ADGRL3: variants seen among roughly 807,000 people sequenced by gnomAD.
The protein encoded by ADGRL3 is adhesion G protein-coupled receptor L3.
In ADGRL3, 62 loss-of-function variants were observed where a neutral mutation model predicts 153.5. That is an observed-to-expected ratio of 0.40 (90% CI 0.33 to 0.50). The LOEUF is 0.50. Ranked by LOEUF, ADGRL3 falls within the 20% of genes least tolerant of loss-of-function variation. ADGRL3 has a pLI of 0.47. For missense variants in ADGRL3, 1,641 were observed against 1,859.4 expected, an observed-to-expected ratio of 0.88 and a Z score of 2.16; for synonymous variants, 710 against 672.5, an observed-to-expected ratio of 1.06 and a Z score of -0.86.
chr4:61,380,228 GTATC>G (rs1043316397), intron 1 of ADGRL3, among the ~76,000 whole-genome samples: 5 of 151,864 alleles, frequency 3.3e-5, no homozygotes, highest in African/African-American at 9.7e-5. Context: ...GTATGTGTAT[GTATC>G]TATCTCTTTC....
chr4:61,214,693 T>C (rs1276770015), intron 1 of ADGRL3, among the ~76,000 whole-genome samples: 1 of 152,154 alleles, frequency 6.6e-6, no homozygotes, highest in African/African-American at 2.4e-5. Context: ...CCCGGTACTT[T>C]GGGAGGCTGA....
chr4:61,813,760 A>T (rs766498032), intron 8 of ADGRL3, 49 bp from the exon 9 acceptor site: 1 of 1,599,072 alleles, frequency 6.3e-7, no homozygotes, highest in Non-Finnish European at 8.6e-7. Context: ...TTAAAAAGGG[A>T]AAAGACATAC....
chr4:62,049,142 A>T (rs180928073), intron 25 of ADGRL3, among the ~76,000 whole-genome samples: 1 of 152,140 alleles, frequency 6.6e-6, no homozygotes, highest in Admixed American at 6.5e-5. Flanking sequence ...GAGGTTAGAG[A>T]CTTCCATGTG....
intron 21 of ADGRL3, among the ~76,000 whole-genome samples, chr4:62,000,338 G>T: frequency 6.6e-6 from 1 of 150,802 alleles, no homozygotes; most frequent in African/African-American, 2.4e-5. Context: ...TTTATGATTT[G>T]TATTTAGTAC....
chr4:61,783,767 TTAATAA>T (rs1427766587), intron 8 of ADGRL3, among the ~76,000 whole-genome samples: 2 of 152,070 alleles, frequency 1.3e-5, no homozygotes, highest in African/African-American at 4.8e-5. Flanking sequence ...ATCTATCAAG[TTAATAA>T]TAATAAATCT....
At chr4:61,905,223 C>G (rs1482847730) in intron 11 of ADGRL3, among the ~76,000 whole-genome samples, 1 of 152,038 alleles carries the variant, frequency 6.6e-6, no homozygotes, top group Non-Finnish European at 1.5e-5. Flanking sequence ...TATCAGATAT[C>G]TAGACTTCTT....
intron 21 of ADGRL3, among the ~76,000 whole-genome samples, chr4:62,000,996 C>T (rs759601381): frequency 2.6e-5 from 4 of 151,984 alleles, no homozygotes; most frequent in Non-Finnish European, 5.9e-5. Flanking sequence ...GTTACCCAGG[C>T]TGGTCTCGAA....
At chr4:61,449,506 C>G (rs867844308) in intron 2 of ADGRL3, among the ~76,000 whole-genome samples, 64 of 151,968 alleles carry the variant, frequency 4.2e-4, no homozygotes, top group Middle Eastern at 3.2e-3. Context: ...TGTACCTAGG[C>G]AGGTACAGTT....
chr4:61,763,751 C>CAT (rs890076926), intron 8 of ADGRL3, among the ~76,000 whole-genome samples: 21 of 152,016 alleles, frequency 1.4e-4, no homozygotes, highest in South Asian at 6.2e-4. Context: ...ACACTATATA[C>CAT]ATATATATAT....
At position 61,676,954 on chromosome 4, in the gene ADGRL3, T is replaced by G. The variant is rs760041423; in HGVS notation, c.583+19T>G. 1.4e-6 allele frequency: 2 copies of G among 1,480,052 alleles called. No individual in the cohort carries two copies. Among genetic ancestry groups the G allele is most frequent in the Non-Finnish European group, 1.9e-6 (2 of 1,062,134 alleles). 91.7% of individuals were successfully genotyped at this position (1,480,052 alleles called of 1,614,324 possible). A position where few individuals can be genotyped will look rare whatever the true frequency, so the allele number is the denominator to read the frequency against. The stretch of plus-strand genomic sequence containing the variant: ...CCTTACAGTATGTATATTCCTATAC[T>G]TTTCTTGGCAAGAGAAAAGATACTA... On this transcript the variant is annotated intron_variant, in intron 6 of 26. Coordinates refer to ENST00000683033, the MANE Select transcript of ADGRL3 (RefSeq NM_001387552.1).
chr4:61,328,509 T>C (rs1430034401), intron 1 of ADGRL3, among the ~76,000 whole-genome samples: 1 of 152,122 alleles, frequency 6.6e-6, no homozygotes, highest in African/African-American at 2.4e-5. Flanking sequence ...ATAGGGGATG[T>C]TTTTATAGCA....
At chr4:61,496,775 A>T (rs1160868208) in intron 2 of ADGRL3, among the ~76,000 whole-genome samples, 1 of 151,740 alleles carries the variant, frequency 6.6e-6, no homozygotes, top group Non-Finnish European at 1.5e-5. Context: ...CCCCATCTCT[A>T]CTAAAAATAC....
chr4:62,031,621 A>T lies in ADGRL3; in HGVS notation c.3591+11A>T, dbSNP rs1722066568. 1 of 1,580,808 alleles carries T rather than the reference A, an allele frequency of 6.3e-7. No homozygotes were observed. The highest frequency in any genetic ancestry group is 2.2e-5 in the East Asian group (1 of 44,500). Reference sequence around the variant, plus strand: ...GTCCTACAGAAGAAGGTAAGCTAGAATTCTTTTTTTAAAATAAAAATGGCA... The same window carrying T: ...GTCCTACAGAAGAAGGTAAGCTAGATTTCTTTTTTTAAAATAAAAATGGCA... On this transcript the variant is annotated intron_variant, in intron 23 of 26. Coordinates refer to ENST00000683033, the MANE Select transcript of ADGRL3 (RefSeq NM_001387552.1).
intron 2 of ADGRL3, among the ~76,000 whole-genome samples, chr4:61,444,573 TC>T (rs2097561148): frequency 6.6e-6 from 1 of 151,974 alleles, no homozygotes. Flanking sequence ...AAAAAAAAAT[TC>T]CCCCTCTTCT....
chr4:61,567,097 A>C (rs1215380624), intron 4 of ADGRL3, among the ~76,000 whole-genome samples: 1 of 152,204 alleles, frequency 6.6e-6, no homozygotes, highest in Non-Finnish European at 1.5e-5. Context: ...TACAGAAAAA[A>C]AATTCAACAA....
At chr4:61,490,298 T>A (rs201942235) in intron 2 of ADGRL3, among the ~76,000 whole-genome samples, 7 of 151,378 alleles carry the variant, frequency 4.6e-5, no homozygotes, top group African/African-American at 1.7e-4. Flanking sequence ...TTTTACCACT[T>A]GTATTTACTG....
At chr4:61,773,396 G>T (rs987705847) in intron 8 of ADGRL3, among the ~76,000 whole-genome samples, 2 of 152,136 alleles carry the variant, frequency 1.3e-5, no homozygotes, top group African/African-American at 4.8e-5. Flanking sequence ...GCCTCAAGCT[G>T]CAATAATAAT....
intron 17 of ADGRL3, among the ~76,000 whole-genome samples, chr4:61,977,336 G>A (rs150548774): frequency 1.9e-3 from 292 of 151,138 alleles, no homozygotes; most frequent in African/African-American, 7.0e-3. Flanking sequence ...ATTCTCAATC[G>A]CAGCATCTTT....
chr4:61,607,169 A>G (rs2099035544), intron 5 of ADGRL3, among the ~76,000 whole-genome samples: 1 of 152,160 alleles, frequency 6.6e-6, no homozygotes, highest in Non-Finnish European at 1.5e-5. Flanking sequence ...GGATGCAATC[A>G]TAGGGGTGTG....
Sources: allele counts gnomAD v4.1 joint callset (sites outside exome capture counted in the v4.1 genomes callset), GRCh38; gene constraint gnomAD v4.1.1; transcripts MANE v1.5; gene names NCBI Gene and HGNC (gene_info 2026-07-23, HGNC 2026-07-21).